The following MRTFA variants were observed in gnomAD, a reference collection of about 807,000 sequenced individuals.
The protein encoded by MRTFA is myocardin-related transcription factor A.
Under a neutral mutation model 83.5 loss-of-function variants are expected in MRTFA, and 20 were observed. That is an observed-to-expected ratio of 0.24 (90% CI 0.17 to 0.35). The LOEUF is 0.35. MRTFA is among the 10% of genes least tolerant of loss of function. The probability of loss-of-function intolerance (pLI) is 1.00; values close to 1 mark genes in which losing one functional copy is unlikely to be tolerated. For missense variants in MRTFA, 1,200 were observed against 1,224.7 expected (o/e 0.98, Z 0.30); for synonymous variants, 659 against 541.2 (o/e 1.22, Z -3.02).
chr22:40,430,478 C>G (rs1263311192), intron 6 of MRTFA, among the ~76,000 whole-genome samples: 5 of 151,714 alleles, frequency 3.3e-5, no homozygotes, highest in Non-Finnish European at 7.4e-5. Context: ...CACAGCAAGA[C>G]TCCATCTCAA....
At chr22:40,621,606 C>T (rs1209624310) in intron 1 of MRTFA, among the ~76,000 whole-genome samples, 1 of 152,022 alleles carries the variant, frequency 6.6e-6, no homozygotes, top group Non-Finnish European at 1.5e-5. Context: ...AAAATGGTTA[C>T]GATGGTAAAT....
intron 1 of MRTFA, among the ~76,000 whole-genome samples, chr22:40,607,522 A>AC (rs1430291174): frequency 6.6e-6 from 1 of 151,980 alleles, no homozygotes; most frequent in Non-Finnish European, 1.5e-5. Context: ...AAAAAAAAGA[A>AC]CAACAGGTAC....
Position 40,420,424 on chromosome 22 carries a change from G to C in MRTFA, c.1334C>G (p.Ala445Gly). ...ATGTACCTTCATGTCGTCCAGGTTG[G>C]CCGGCAGGGCTCCCGGCTTGCCAGT... The change falls in exon 11 of 15, where the codon GCC becomes GGC. Residue 445 changes from alanine to glycine, a missense_variant. By Grantham distance (60) the Ala-to-Gly change is moderately conservative (BLOSUM62 0). Around this residue, in one of 2 missense-constraint regions of MRTFA, gnomAD observed 1,107 missense variants for 1,041.8 expected, o/e 1.06. Transcript: ENST00000355630. 6.2e-7 allele frequency: 1 copy of C among 1,613,558 alleles called. No individual in the cohort carries two copies. The highest frequency in any genetic ancestry group is 8.5e-7 in the Non-Finnish European group (1 of 1,179,930).
intron 2 of MRTFA, among the ~76,000 whole-genome samples, chr22:40,578,234 G>A (rs2055896374): frequency 6.6e-6 from 1 of 152,156 alleles, no homozygotes; most frequent in African/African-American, 2.4e-5. Flanking sequence ...GATTACAGGT[G>A]TGAGCCACCA....
At chr22:40,569,082 C>T (rs945709094) in intron 2 of MRTFA, among the ~76,000 whole-genome samples, 1 of 151,962 alleles carries the variant, frequency 6.6e-6, no homozygotes, top group Non-Finnish European at 1.5e-5. Flanking sequence ...TTTTATATAC[C>T]AGACTATCAA....
At chr22:40,622,032 G>A (rs1472032724) in intron 1 of MRTFA, among the ~76,000 whole-genome samples, 1 of 152,162 alleles carries the variant, frequency 6.6e-6, no homozygotes, top group African/African-American at 2.4e-5. Flanking sequence ...GTTGGAATGA[G>A]ATGGGTGTAT....
chr22:40,465,595 C>A (rs531155502), intron 3 of MRTFA, among the ~76,000 whole-genome samples: 2 of 152,316 alleles, frequency 1.3e-5, no homozygotes, highest in Admixed American at 1.3e-4. Context: ...AGGTCTCACT[C>A]TGTCACCCAG....
intron 1 of MRTFA, among the ~76,000 whole-genome samples, chr22:40,613,591 C>G (rs1321512406): frequency 6.6e-6 from 1 of 152,032 alleles, no homozygotes; most frequent in East Asian, 1.9e-4. Flanking sequence ...TATGGTGGCT[C>G]GTGCCTGTAA....
chr22:40,594,366 A>T (rs2056161830), intron 2 of MRTFA, among the ~76,000 whole-genome samples: 2 of 152,174 alleles, frequency 1.3e-5, no homozygotes, highest in South Asian at 4.1e-4. Flanking sequence ...CAAGGACTGG[A>T]TTAAAGAGGT....
chr22:40,498,924 C>T (rs190380765), intron 3 of MRTFA, among the ~76,000 whole-genome samples: 13 of 152,190 alleles, frequency 8.5e-5, no homozygotes, highest in East Asian at 3.9e-4. Flanking sequence ...CAAATTTATA[C>T]GGTTTTAGGG....
At chr22:40,438,790 C>A (rs767024046) in intron 4 of MRTFA, among the ~76,000 whole-genome samples, 7 of 151,884 alleles carry the variant, frequency 4.6e-5, no homozygotes, top group Non-Finnish European at 1.0e-4. Context: ...AAACACAGTA[C>A]GTATAGGATT....
At chr22:40,479,462 A>G (rs2054052989) in intron 3 of MRTFA, among the ~76,000 whole-genome samples, 2 of 152,074 alleles carry the variant, frequency 1.3e-5, no homozygotes, top group South Asian at 4.2e-4. Flanking sequence ...CTCACGAGAG[A>G]GAGCTGTTTT....
intron 2 of MRTFA, among the ~76,000 whole-genome samples, chr22:40,556,702 G>A (rs2055530134): frequency 6.6e-6 from 1 of 152,070 alleles, no homozygotes; most frequent in South Asian, 2.1e-4. Flanking sequence ...TTTCCATCTT[G>A]TCTATGATTT....
chr22:40,516,920 TC>T (rs1285765928), intron 3 of MRTFA, among the ~76,000 whole-genome samples: 1 of 152,072 alleles, frequency 6.6e-6, no homozygotes, highest in Non-Finnish European at 1.5e-5. Context: ...ATAATTTTTT[TC>T]TTTTTTTTTT....
chr22:40,418,338 T>G (rs867159527), intron 12 of MRTFA, 36 bp downstream of exon 12: 2 of 1,604,264 alleles, frequency 1.2e-6, no homozygotes, highest in African/African-American at 1.3e-5. Context: ...CCCACCCTCC[T>G]CTGGGCCCTG....
At chr22:40,462,702 C>T (rs930322154) in intron 4 of MRTFA, among the ~76,000 whole-genome samples, 1 of 152,180 alleles carries the variant, frequency 6.6e-6, no homozygotes, top group Admixed American at 6.5e-5. Flanking sequence ...GCCGTGATAG[C>T]GCCATCAACG....
chr22:40,525,514 T>C lies in MRTFA; in HGVS notation c.241+26592A>G, dbSNP rs2054953838. Among the ~76,000 whole-genome samples the C allele has an allele frequency of 2.6e-5, 4 of 151,880 alleles. No homozygotes were observed. The South Asian group carries it at 8.3e-4, about 32-fold the overall frequency. On this transcript the variant is annotated intron_variant, in intron 3 of 14. Coordinates refer to ENST00000355630, the MANE Select transcript of MRTFA (RefSeq NM_020831.6). Reference sequence around the variant, plus strand: ...AAGACCCTGTCTCACAAAAAAATTATAAAAATATAAAAAACCAAAACTACA... The same window carrying C: ...AAGACCCTGTCTCACAAAAAAATTACAAAAATATAAAAAACCAAAACTACA...
At chr22:40,455,571 G>A (rs550117416) in intron 4 of MRTFA, among the ~76,000 whole-genome samples, 69 of 151,582 alleles carry the variant, frequency 4.6e-4, no homozygotes, top group South Asian at 1.5e-3. Context: ...GTGTGAACCC[G>A]GGAGGCGGAG....
At chr22:40,476,082 T>C (rs1218765867) in intron 3 of MRTFA, among the ~76,000 whole-genome samples, 1 of 148,582 alleles carries the variant, frequency 6.7e-6, no homozygotes, top group Non-Finnish European at 1.5e-5. Context: ...AGGCGGAGCT[T>C]GCAGTGAGCT....
Sources: allele counts gnomAD v4.1 joint callset (sites outside exome capture counted in the v4.1 genomes callset), GRCh38; gene constraint gnomAD v4.1.1; regional missense constraint gnomAD v4.1.1; transcripts MANE v1.5; gene names NCBI Gene and HGNC (gene_info 2026-07-23, HGNC 2026-07-21).